GRIA4: variants seen among roughly 807,000 people sequenced by gnomAD.
GRIA4 encodes the protein glutamate ionotropic receptor AMPA type subunit 4, also known as glutamate receptor 4.
Under a neutral mutation model 104.0 loss-of-function variants are expected in GRIA4, and 34 were observed. The ratio of observed to expected loss-of-function variants is 0.33; its 90% CI spans 0.25 to 0.44. GRIA4 has a LOEUF of 0.44. Among genes scored for constraint, GRIA4 ranks in the 20% least tolerant of loss-of-function variants. The pLI is 1.00. For missense variants in GRIA4, 750 were observed against 1,096.5 expected, an observed-to-expected ratio of 0.68 and a Z score of 4.46; for synonymous variants, 386 against 381.9, an observed-to-expected ratio of 1.01 and a Z score of -0.13.
intron 11 of GRIA4, among the ~76,000 whole-genome samples, chr11:105,924,195 A>T (rs1947644856): frequency 6.6e-6 from 1 of 152,140 alleles, no homozygotes; most frequent in Admixed American, 6.6e-5. Context: ...AACATATTAA[A>T]ATGTTTTGTG....
intron 3 of GRIA4, among the ~76,000 whole-genome samples, chr11:105,621,156 T>A (rs1006468838): frequency 1.3e-5 from 2 of 151,888 alleles, no homozygotes; most frequent in Non-Finnish European, 2.9e-5. Context: ...CTATAAGCTA[T>A]AATCACTATT....
chr11:105,708,869 T>C (rs1019300342), intron 3 of GRIA4, among the ~76,000 whole-genome samples: 1 of 151,980 alleles, frequency 6.6e-6, no homozygotes, highest in South Asian at 2.1e-4. Context: ...ATATTTAATA[T>C]AGAGATTGAA....
chr11:105,854,618 G>A (rs1409374395), intron 4 of GRIA4, among the ~76,000 whole-genome samples: 4 of 152,152 alleles, frequency 2.6e-5, no homozygotes, highest in Non-Finnish European at 2.9e-5. Context: ...AGAGGCTTGG[G>A]CCTGGGTGGA....
intron 4 of GRIA4, among the ~76,000 whole-genome samples, chr11:105,781,133 T>C (rs956721270): frequency 1.3e-5 from 2 of 152,258 alleles, no homozygotes; most frequent in Admixed American, 1.3e-4. Context: ...TTATTTATAC[T>C]AATTTATTTA....
At chr11:105,756,946 C>T (rs952599413) in intron 4 of GRIA4, among the ~76,000 whole-genome samples, 21 of 152,266 alleles carry the variant, frequency 1.4e-4, no homozygotes, top group African/African-American at 5.1e-4. Context: ...TTGGAGCATA[C>T]ATTACTGCCT....
chr11:105,851,729 T>G (rs1433583620), intron 4 of GRIA4, among the ~76,000 whole-genome samples: 5 of 152,168 alleles, frequency 3.3e-5, no homozygotes, highest in Non-Finnish European at 7.3e-5. Context: ...GGCGCATACC[T>G]AAGAGACACA....
intron 6 of GRIA4, among the ~76,000 whole-genome samples, chr11:105,895,607 A>T (rs988706713): frequency 1.4e-5 from 2 of 143,426 alleles, no homozygotes; most frequent in Non-Finnish European, 1.5e-5. Context: ...GATATGATAC[A>T]TGAGAGGGAT....
At chr11:105,773,651 T>C (rs1450080948) in intron 4 of GRIA4, among the ~76,000 whole-genome samples, 1 of 152,058 alleles carries the variant, frequency 6.6e-6, no homozygotes, top group Non-Finnish European at 1.5e-5. Flanking sequence ...GGAAAAGGGC[T>C]AGGCAGGAGG....
At chr11:105,797,304 C>T (rs750638632) in intron 4 of GRIA4, among the ~76,000 whole-genome samples, 4 of 151,978 alleles carry the variant, frequency 2.6e-5, no homozygotes, top group Non-Finnish European at 5.9e-5. Flanking sequence ...TAAGCAAAGC[C>T]CGCTAACAAT....
intron 4 of GRIA4, among the ~76,000 whole-genome samples, chr11:105,789,780 C>T (rs1942134338): frequency 6.6e-6 from 1 of 152,164 alleles, no homozygotes; most frequent in Non-Finnish European, 1.5e-5. Context: ...TTTAAGCTTA[C>T]ATAAGCACAT....
chr11:105,779,956 T>C (rs1186361805), intron 4 of GRIA4, among the ~76,000 whole-genome samples: 1 of 152,170 alleles, frequency 6.6e-6, no homozygotes, highest in African/African-American at 2.4e-5. Flanking sequence ...TGGGGGCATA[T>C]CACACTGACT....
chr11:105,833,754 G>A (rs553594574), intron 4 of GRIA4, among the ~76,000 whole-genome samples: 15 of 151,964 alleles, frequency 9.9e-5, no homozygotes, highest in Admixed American at 8.5e-4. Flanking sequence ...AGTGCAGATT[G>A]GCTATGTGCT....
chr11:105,745,187 A>T (rs999856619), intron 3 of GRIA4, among the ~76,000 whole-genome samples: 1 of 152,186 alleles, frequency 6.6e-6, no homozygotes, highest in Admixed American at 6.5e-5. Context: ...AATAATAACG[A>T]TATTAATAAA....
At chr11:105,800,360 A>G (rs1377412485) in intron 4 of GRIA4, among the ~76,000 whole-genome samples, 3 of 152,034 alleles carry the variant, frequency 2.0e-5, no homozygotes, top group African/African-American at 7.2e-5. Context: ...AGCAAGTTAT[A>G]TTTTCTAAGC....
chr11:105,917,295 C>G (rs1565340935), intron 10 of GRIA4, among the ~76,000 whole-genome samples: 1 of 152,132 alleles, frequency 6.6e-6, no homozygotes, highest in Non-Finnish European at 1.5e-5. Flanking sequence ...TTTAAGAACA[C>G]AGTAGAAGGA....
At chr11:105,738,014 C>T (rs2135639188) in intron 3 of GRIA4, among the ~76,000 whole-genome samples, 1 of 151,742 alleles carries the variant, frequency 6.6e-6, no homozygotes, top group African/African-American at 2.4e-5. Context: ...TTCCCCCTCC[C>T]ACCCCCCTGC....
intron 14 of GRIA4, among the ~76,000 whole-genome samples, chr11:105,959,609 T>C (rs1418790081): frequency 6.6e-6 from 1 of 152,214 alleles, no homozygotes; most frequent in African/African-American, 2.4e-5. Flanking sequence ...CCGTCAGTTC[T>C]CTATCTGATC....
In GRIA4 at chr11:105,644,332, C is replaced by G. The variant is rs1219868418; in HGVS notation, c.247+31898C>G. 3.3e-5 allele frequency among the ~76,000 whole-genome samples: 5 copies of G among 152,110 alleles called. No individual in the cohort carries two copies. In the East Asian group the frequency reaches 9.7e-4, roughly 30 times the overall value. On this transcript the variant is annotated intron_variant, in intron 3 of 16. Coordinates refer to ENST00000282499, the MANE Select transcript of GRIA4 (RefSeq NM_000829.4). ...TTAGGCCAGGCACCTTTGGCTCGCGCCTGTAATCCCAGCACTTTGGGACGC... is the reference window on the plus strand; with the variant it reads ...TTAGGCCAGGCACCTTTGGCTCGCGGCTGTAATCCCAGCACTTTGGGACGC...
At chr11:105,744,418 AAC>A (rs1477306224) in intron 3 of GRIA4, among the ~76,000 whole-genome samples, 1 of 152,162 alleles carries the variant, frequency 6.6e-6, no homozygotes, top group Non-Finnish European at 1.5e-5. Flanking sequence ...CAAACCAAGA[AAC>A]AGTTATATTC....
Sources: gnomAD v4.1 joint callset for allele counts (sites outside exome capture counted in the v4.1 genomes callset) on GRCh38, gnomAD v4.1.1 for gene constraint, MANE v1.5 for transcripts, NCBI Gene and HGNC (gene_info 2026-07-23, HGNC 2026-07-21) for gene names.